MDH2: variants seen among roughly 807,000 people sequenced by gnomAD.
The protein encoded by MDH2 is malate dehydrogenase 2, also known as malate dehydrogenase, mitochondrial.
A neutral mutation model predicts 33.6 loss-of-function variants in MDH2; 25 were observed. The observed-to-expected ratio is 0.74, with a 90% CI of 0.54 to 1.04. The LOEUF (loss-of-function observed/expected upper bound fraction) is 1.04, where lower values mean the gene tolerates loss of function less well. MDH2 is among the 50% of genes least tolerant of loss of function. The pLI is 0.00. For synonymous variants in MDH2, 193 were observed against 188.7 expected (o/e 1.02, Z -0.19); for missense variants, 432 against 445.0 (o/e 0.97, Z 0.26).
At position 76,060,640 on chromosome 7, in the gene MDH2, C is replaced by T. The variant is rs1388259877; in HGVS notation, c.555+142C>T. 4.0e-6 allele frequency: 5 copies of T among 1,253,378 alleles called. No homozygotes were observed. The African/African-American group carries it at 7.6e-5, about 19-fold the overall frequency. The allele number at this position is 1,253,378 out of a possible 1,614,324, so 77.6% of individuals were successfully genotyped here. ...TTTAAATGTTTTTAGAGCTCGCCCT[C>T]TTGATGGAAGCAGCCCCTGTGTTTC... On this transcript the variant is annotated intron_variant, in intron 5 of 8. Coordinates refer to ENST00000315758, the MANE Select transcript of MDH2 (RefSeq NM_005918.4).
intron 3 of MDH2, 37 bp downstream of exon 3, chr7:76,057,530 G>A (rs371259710): frequency 2.9e-5 from 46 of 1,571,810 alleles, no homozygotes; most frequent in Non-Finnish European, 3.4e-5. Flanking sequence ...ACCTCCCCAC[G>A]TGAAGATGTG....
Position 76,055,102 on chromosome 7 carries a change from G to A in MDH2, c.235+104G>A, listed in dbSNP as rs1563547081. On this transcript the variant is annotated intron_variant, in intron 2 of 8. Coordinates refer to ENST00000315758, the MANE Select transcript of MDH2 (RefSeq NM_005918.4). Reference sequence around the variant, plus strand: ...ATGAAACTAAATGTTTAGAGACGGGGGTTTCTCTGTTTTAAATTTAAATTT... The same window carrying A: ...ATGAAACTAAATGTTTAGAGACGGGAGTTTCTCTGTTTTAAATTTAAATTT... The A allele has an allele frequency of 4.6e-6, 6 of 1,301,006 alleles. No individual in the cohort carries two copies. In the South Asian group the frequency reaches 5.0e-5, roughly 11 times the overall value. The allele number at this position is 1,301,006 out of a possible 1,614,324, so 80.6% of individuals were successfully genotyped here. A position where few individuals can be genotyped will look rare whatever the true frequency, so the allele number is the denominator to read the frequency against.
At chr7:76,063,218 T>C (rs533290391) in intron 5 of MDH2, among the ~76,000 whole-genome samples, 193 of 152,250 alleles carry the variant, frequency 1.3e-3, no homozygotes, top group Non-Finnish European at 2.2e-3. Context: ...GGAGGCAGCA[T>C]CCTCCCATGC....
At chr7:76,060,549 C>T (rs530352252) in intron 5 of MDH2, 51 bp downstream of exon 5, 18 of 1,602,194 alleles carry the variant, frequency 1.1e-5, no homozygotes, top group Non-Finnish European at 1.5e-5. Context: ...CTTCTCCCGC[C>T]ACCCGTGCTC....
At chr7:76,060,607 T>C (rs1797920803) in intron 5 of MDH2, 109 bp downstream of exon 5, 1 of 1,479,036 alleles carries the variant, frequency 6.8e-7, no homozygotes, top group African/African-American at 1.4e-5. Flanking sequence ...CACGTGTCAC[T>C]TTGGGGTTTT....
chr7:76,053,313 A>G (rs1203668450), intron 1 of MDH2, among the ~76,000 whole-genome samples: 1 of 152,240 alleles, frequency 6.6e-6, no homozygotes, highest in East Asian at 1.9e-4. Flanking sequence ...AGAACTGGGA[A>G]TGCAGAGCTG....
intron 1 of MDH2, among the ~76,000 whole-genome samples, chr7:76,050,726 A>C (rs547152073): frequency 6.6e-6 from 1 of 152,276 alleles, no homozygotes; most frequent in South Asian, 2.1e-4. Context: ...GAAATGATTG[A>C]ATTCTGGGTA....
rs1554585997 is a variant in MDH2 at position 76,054,932 on chromosome 7, G to A, written c.169G>A (p.Asp57Asn). ...CTTGGTGAGCCGCCTGACCCTCTAT[G>A]ATATCGCGCACACACCCGGAGTGGC... ...SPLVSRLTLY[D>N]IAHTPGVAAD... The change falls in exon 2 of 9, where the codon GAT becomes AAT. Residue 57 changes from aspartate to asparagine, a missense_variant. Coordinates refer to ENST00000315758, the MANE Select transcript of MDH2 (RefSeq NM_005918.4). The A allele has an allele frequency of 5.0e-6, 8 of 1,614,100 alleles. No homozygotes were observed. Among genetic ancestry groups the A allele is most frequent in the Non-Finnish European group, 6.8e-6 (8 of 1,180,024 alleles).
At chr7:76,057,650 G>A (rs572034336) in intron 3 of MDH2, among the ~76,000 whole-genome samples, 157 bp downstream of exon 3, 1 of 152,152 alleles carries the variant, frequency 6.6e-6, no homozygotes, top group Non-Finnish European at 1.5e-5. Flanking sequence ...TCTCTTTGTT[G>A]GCCTGGGATC....
rs782332733 is a variant in MDH2, at chr7:76,064,831, G to A, written c.763G>A (p.Gly255Ser). Residue 255 changes from glycine (G) to serine (S), a missense_variant, in exon 8 of 9, where the codon GGC becomes AGC. Gly to Ser is a moderately conservative substitution (Grantham distance 56). Transcript: ENST00000315758. ...TGCCACCCTCTCCATGGCGTATGCC[G>A]GCGCCCGCTTTGTCTTCTCCCTTGT... ...GSATLSMAYA[G>S]ARFVFSLVDA... 19 of 1,613,968 alleles carry A rather than the reference G, an allele frequency of 1.2e-5. No individual in the cohort carries two copies. Among genetic ancestry groups the A allele is most frequent in the East Asian group, 8.9e-5 (4 of 44,878 alleles).
At chr7:76,055,829 A>ATT (rs1268720062) in intron 2 of MDH2, among the ~76,000 whole-genome samples, 42 of 104,012 alleles carry the variant, frequency 4.0e-4, no homozygotes, top group African/African-American at 1.2e-3. Flanking sequence ...CATGTCACCA[A>ATT]ATTTTTTTTT....
intron 2 of MDH2, among the ~76,000 whole-genome samples, chr7:76,055,391 C>T (rs570272208): frequency 6.6e-6 from 1 of 152,136 alleles, no homozygotes; most frequent in South Asian, 2.1e-4. Flanking sequence ...TTTGGGAAAC[C>T]TCCCCGTCTG....
rs1470638627 is a variant in MDH2, at chr7:76,048,245, G to C, written c.66+19G>C. On this transcript the variant is annotated intron_variant, in intron 1 of 8. Transcript: ENST00000315758. Reference sequence around the variant, plus strand: ...GGCCCAGGTAGGCCAGACGAGGGGCGGCCTGCAGGCGGAGGCCCCCCGGCC... The same window carrying C: ...GGCCCAGGTAGGCCAGACGAGGGGCCGCCTGCAGGCGGAGGCCCCCCGGCC... 2 of 1,530,720 alleles carry C rather than the reference G, an allele frequency of 1.3e-6. No individual in the cohort carries two copies. Among genetic ancestry groups the C allele is most frequent in the Non-Finnish European group, 1.7e-6 (2 of 1,144,302 alleles). The allele number at this position is 1,530,720 out of a possible 1,614,324, so 94.8% of individuals were successfully genotyped here. A position where few individuals can be genotyped will look rare whatever the true frequency, so the allele number is the denominator to read the frequency against.
At chr7:76,055,583 A>C (rs1797746666) in intron 2 of MDH2, among the ~76,000 whole-genome samples, 1 of 151,876 alleles carries the variant, frequency 6.6e-6, no homozygotes, top group African/African-American at 2.4e-5. Context: ...CAAAAAGTCC[A>C]AAAATTAGCT....
intron 1 of MDH2, among the ~76,000 whole-genome samples, chr7:76,049,356 A>G (rs1287988858): frequency 6.6e-6 from 1 of 152,198 alleles, no homozygotes; most frequent in African/African-American, 2.4e-5. Flanking sequence ...CTGTATACAG[A>G]TAAGTACATT....
At chr7:76,048,778 A>C (rs1371666267) in intron 1 of MDH2, 5 of 1,226,338 alleles carry the variant, frequency 4.1e-6, no homozygotes, top group South Asian at 4.2e-5. Flanking sequence ...TTTTTGGAGG[A>C]TCTCTCCTGC....
chr7:76,066,428 C>T lies in MDH2; in HGVS notation c.*18C>T. The T allele has an allele frequency of 4.4e-6, 7 of 1,593,376 alleles. No homozygotes were observed. The highest frequency in any genetic ancestry group is 6.0e-6 in the Non-Finnish European group (7 of 1,170,996). Reference sequence around the variant, plus strand: ...TGAAGTGAGCCGCTGTGACGGGTGGCCAGTTTCCTTAATTTATGAAGGCAT... The same window carrying T: ...TGAAGTGAGCCGCTGTGACGGGTGGTCAGTTTCCTTAATTTATGAAGGCAT... On this transcript the variant is annotated 3_prime_UTR_variant, in exon 9 of 9. Coordinates refer to ENST00000315758, the MANE Select transcript of MDH2 (RefSeq NM_005918.4).
At chr7:76,065,121 G>GTTC in intron 8 of MDH2, 168 bp downstream of exon 8, 1 of 735,952 alleles carries the variant, frequency 1.4e-6, no homozygotes, top group Non-Finnish European at 2.2e-6. Flanking sequence ...GAGCTGGGAG[G>GTTC]ATCACAGACT....
chr7:76,048,952 T>C (rs1797456921), intron 1 of MDH2: 3 of 651,376 alleles, frequency 4.6e-6, no homozygotes, highest in Non-Finnish European at 5.5e-6. Flanking sequence ...AAAACAGACG[T>C]CTGGGTTCAT....
Sources: gnomAD v4.1 joint callset for allele counts (sites outside exome capture counted in the v4.1 genomes callset) on GRCh38, gnomAD v4.1.1 for gene constraint, MANE v1.5 for transcripts, NCBI Gene and HGNC (gene_info 2026-07-23, HGNC 2026-07-21) for gene names.